Variants in MYO16 observed in about 807,000 individuals in gnomAD.
The protein encoded by MYO16 is myosin XVI.
In MYO16, 94 loss-of-function variants were observed where a neutral mutation model predicts 205.3. The ratio of observed to expected loss-of-function variants is 0.46; its 90% CI spans 0.39 to 0.54. MYO16 has a LOEUF of 0.54. Among genes scored for constraint, MYO16 ranks in the 20% least tolerant of loss-of-function variants. The pLI is 0.00. For missense variants in MYO16, 2,315 were observed against 2,387.5 expected (o/e 0.97, Z 0.63); for synonymous variants, 988 against 954.0 (o/e 1.04, Z -0.66).
chr13:108,838,865 T>C (rs1877088879), intron 9 of MYO16, among the ~76,000 whole-genome samples: 1 of 151,914 alleles, frequency 6.6e-6, no homozygotes, highest in African/African-American at 2.4e-5. Flanking sequence ...GGGAACTCTA[T>C]GAATGATGAA....
At chr13:108,841,379 C>A (rs943537395) in intron 9 of MYO16, among the ~76,000 whole-genome samples, 1 of 152,130 alleles carries the variant, frequency 6.6e-6, no homozygotes, top group Non-Finnish European at 1.5e-5. Flanking sequence ...TAATGTACTT[C>A]AACTCATATA....
At chr13:108,645,501 G>T (rs1880713646) in intron 1 of MYO16, among the ~76,000 whole-genome samples, 1 of 152,062 alleles carries the variant, frequency 6.6e-6, no homozygotes, top group African/African-American at 2.4e-5. Context: ...TGCCTACTCT[G>T]TGCCCCGATC....
intron 20 of MYO16, among the ~76,000 whole-genome samples, chr13:108,971,119 C>A (rs556840791): frequency 6.6e-6 from 1 of 152,074 alleles, no homozygotes; most frequent in East Asian, 1.9e-4. Flanking sequence ...TATTTTATAA[C>A]GCAGCACTTA....
chr13:108,975,940 T>C (rs1884241665), intron 20 of MYO16, among the ~76,000 whole-genome samples: 1 of 152,144 alleles, frequency 6.6e-6, no homozygotes, highest in Non-Finnish European at 1.5e-5. Context: ...TGGCTATTCA[T>C]TACAAAGCAG....
intron 11 of MYO16, among the ~76,000 whole-genome samples, chr13:108,856,511 T>G (rs750544082): frequency 1.3e-5 from 2 of 152,248 alleles, no homozygotes; most frequent in Non-Finnish European, 2.9e-5. Context: ...CTGTTAAAAT[T>G]AATGAAATCA....
intron 27 of MYO16, among the ~76,000 whole-genome samples, chr13:109,072,729 C>G (rs117897665): frequency 1.3e-5 from 2 of 152,100 alleles, no homozygotes; most frequent in African/African-American, 4.8e-5. Context: ...TGGGCCTGTG[C>G]AGTAGGTAAG....
At chr13:108,624,644 A>G (rs1879664124), upstream of MYO16, among the ~76,000 whole-genome samples, 1 of 152,202 alleles carries the variant, frequency 6.6e-6, no homozygotes. Flanking sequence ...ATGCTTTACA[A>G]ATGTCCTGCT....
the MYO16 span, among the ~76,000 whole-genome samples, chr13:108,517,636 C>A: frequency 6.6e-6 from 1 of 152,148 alleles, no homozygotes; most frequent in Non-Finnish European, 1.5e-5. Flanking sequence ...CATGATTTTA[C>A]TTTTAGAATA....
chr13:108,630,306 C>T (rs1052857181), intron 1 of MYO16, among the ~76,000 whole-genome samples: 2 of 152,162 alleles, frequency 1.3e-5, no homozygotes, highest in African/African-American at 4.8e-5. Flanking sequence ...AGCCTCTATT[C>T]AATGCTTTTT....
intron 4 of MYO16, among the ~76,000 whole-genome samples, chr13:108,759,775 G>A (rs1048128112): frequency 5.3e-5 from 8 of 149,602 alleles, no homozygotes; most frequent in African/African-American, 7.4e-5. Context: ...AGCCGAGATC[G>A]CGCCACTGCA....
the MYO16 span, among the ~76,000 whole-genome samples, chr13:108,576,782 G>A: frequency 6.6e-6 from 1 of 151,398 alleles, no homozygotes; most frequent in African/African-American, 2.4e-5. Flanking sequence ...TTTTTTTTGA[G>A]ACAGGATCTC....
upstream of MYO16, among the ~76,000 whole-genome samples, chr13:108,594,763 A>C (rs1878496300): frequency 6.6e-6 from 1 of 152,152 alleles, no homozygotes; most frequent in Admixed American, 6.5e-5. Flanking sequence ...TTGCTGAGCG[A>C]ATGACAGGTC....
intron 28 of MYO16, among the ~76,000 whole-genome samples, chr13:109,103,180 T>A (rs936418644): frequency 6.6e-6 from 1 of 152,184 alleles, no homozygotes; most frequent in Non-Finnish European, 1.5e-5. Flanking sequence ...AAACACTCAT[T>A]CCTAACCTGG....
chr13:109,204,043 C>T (rs1414310845), intron 34 of MYO16, among the ~76,000 whole-genome samples: 2 of 152,214 alleles, frequency 1.3e-5, no homozygotes, highest in Non-Finnish European at 2.9e-5. Flanking sequence ...AGGAAAAAAG[C>T]AGCTGGTAAT....
In MYO16 at chr13:108,986,571, G is replaced by A. The variant is rs367564177; in HGVS notation, c.2370-5805G>A. Among the ~76,000 whole-genome samples the A allele has an allele frequency of 3.2e-4, 46 of 143,002 alleles. No homozygotes were observed. The East Asian group carries it at 4.8e-3, about 15-fold the overall frequency. The allele number at this position is 143,002 out of a possible 152,430, so 93.8% of individuals were successfully genotyped here. On this transcript the variant is annotated intron_variant, in intron 20 of 34. Transcript: ENST00000457511. Reference sequence around the variant, plus strand: ...CGGGAGGCGGAGGTTGTGGTGAGCCGAGATGGTGCTATTGCACTCCAGCCT... The same window carrying A: ...CGGGAGGCGGAGGTTGTGGTGAGCCAAGATGGTGCTATTGCACTCCAGCCT...
At chr13:108,801,962 T>G (rs781047390) in intron 6 of MYO16, among the ~76,000 whole-genome samples, 1 of 152,210 alleles carries the variant, frequency 6.6e-6, no homozygotes, top group Non-Finnish European at 1.5e-5. Flanking sequence ...TTTAATATTA[T>G]TTTAAATTGA....
At chr13:108,977,358 T>A (rs560756601) in intron 20 of MYO16, among the ~76,000 whole-genome samples, 1 of 152,316 alleles carries the variant, frequency 6.6e-6, no homozygotes, top group South Asian at 2.1e-4. Flanking sequence ...TTGAGATATA[T>A]GTTTAGAATT....
chr13:108,579,193 G>A, the MYO16 span, among the ~76,000 whole-genome samples: 4 of 152,120 alleles, frequency 2.6e-5, no homozygotes, highest in Non-Finnish European at 5.9e-5. Context: ...TGCAGTTACG[G>A]TTGTGTGTCC....
intron 20 of MYO16, among the ~76,000 whole-genome samples, chr13:108,972,338 A>G (rs1405889731): frequency 3.6e-4 from 21 of 58,770 alleles, no homozygotes; most frequent in African/African-American, 1.4e-3. Context: ...ATCTATATAT[A>G]TATATATATA....
Sources: allele counts gnomAD v4.1 joint callset (sites outside exome capture counted in the v4.1 genomes callset), GRCh38; gene constraint gnomAD v4.1.1; transcripts MANE v1.5; gene names NCBI Gene and HGNC (gene_info 2026-07-23, HGNC 2026-07-21).